The following DTNA variants were observed in gnomAD, a reference collection of about 807,000 sequenced individuals.
DTNA encodes the protein dystrobrevin alpha, also known as dystrophin-related protein 3.
A neutral mutation model predicts 100.7 loss-of-function variants in DTNA; 43 were observed. The ratio of observed to expected loss-of-function variants is 0.43; its 90% CI spans 0.33 to 0.55. The LOEUF is 0.55. Ranked by LOEUF, DTNA falls within the 20% of genes least tolerant of loss-of-function variation. DTNA has a pLI of 0.04. For missense variants in DTNA, 798 were observed against 953.9 expected (o/e 0.84, Z 2.15); for synonymous variants, 349 against 347.9 (o/e 1.00, Z -0.04).
chr18:34,505,937 C>T (rs1363963907), intron 1 of DTNA, among the ~76,000 whole-genome samples: 1 of 152,122 alleles, frequency 6.6e-6, no homozygotes, highest in Non-Finnish European at 1.5e-5. Context: ...TGTTAAGAGA[C>T]TCTGAATCTT....
At chr18:34,615,663 A>G (rs1158737765) in intron 1 of DTNA, among the ~76,000 whole-genome samples, 1 of 152,156 alleles carries the variant, frequency 6.6e-6, no homozygotes, top group Non-Finnish European at 1.5e-5. Context: ...TTCATCTGTA[A>G]TAAGCATAGT....
chr18:34,853,370 G>T (rs1287843338), intron 15 of DTNA, among the ~76,000 whole-genome samples: 3 of 152,142 alleles, frequency 2.0e-5, no homozygotes, highest in Non-Finnish European at 4.4e-5. Flanking sequence ...TTTCATGCCT[G>T]TAAAATTTGA....
At chr18:34,826,628 G>A (rs746327276) in intron 9 of DTNA, among the ~76,000 whole-genome samples, 9 of 152,062 alleles carry the variant, frequency 5.9e-5, no homozygotes, top group African/African-American at 1.9e-4. Flanking sequence ...TCTTCAAAAC[G>A]TTCTATACTG....
intron 1 of DTNA, among the ~76,000 whole-genome samples, chr18:34,592,467 A>AAC (rs3078085): frequency 0.038 from 5,362 of 139,462 alleles, 140 homozygotes; most frequent in African/African-American, 0.078. Flanking sequence ...ACACTTGTAT[A>AAC]ACACACACAC....
At chr18:34,660,907 G>A (rs899617394) in intron 1 of DTNA, among the ~76,000 whole-genome samples, 3 of 152,100 alleles carry the variant, frequency 2.0e-5, no homozygotes, top group African/African-American at 7.2e-5. Context: ...TCCCTAAAAT[G>A]TATAAAACTA....
intron 1 of DTNA, among the ~76,000 whole-genome samples, chr18:34,501,574 G>T (rs2144615521): frequency 6.6e-6 from 1 of 152,266 alleles, no homozygotes; most frequent in Non-Finnish European, 1.5e-5. Context: ...ATTCTCCAGT[G>T]AAATCACCTG....
chr18:34,538,515 G>A (rs958095746), intron 1 of DTNA, among the ~76,000 whole-genome samples: 1 of 152,004 alleles, frequency 6.6e-6, no homozygotes, highest in African/African-American at 2.4e-5. Flanking sequence ...CAGTGAGCTT[G>A]CTTGAGTTCA....
chr18:34,591,804 A>T (rs894198035), intron 1 of DTNA, among the ~76,000 whole-genome samples: 10 of 152,220 alleles, frequency 6.6e-5, no homozygotes, highest in Non-Finnish European at 1.3e-4. Context: ...AAAGACATCT[A>T]GTAACAAAGT....
intron 3 of DTNA, among the ~76,000 whole-genome samples, chr18:34,779,030 G>A (rs1601872827): frequency 6.6e-6 from 1 of 151,836 alleles, no homozygotes; most frequent in Admixed American, 6.6e-5. Flanking sequence ...CACCATGTTA[G>A]CGGGAAAGTA....
At chr18:34,515,854 A>C (rs2041550605) in intron 1 of DTNA, among the ~76,000 whole-genome samples, 1 of 152,118 alleles carries the variant, frequency 6.6e-6, no homozygotes, top group South Asian at 2.1e-4. Context: ...CTTTTGTCTT[A>C]GGATCATGAC....
intron 1 of DTNA, among the ~76,000 whole-genome samples, chr18:34,575,786 T>A (rs1443712193): frequency 6.6e-6 from 1 of 152,216 alleles, no homozygotes; most frequent in Non-Finnish European, 1.5e-5. Flanking sequence ...TCAACCATCA[T>A]GCCATCTTCT....
chr18:34,725,221 A>G (rs527675023), intron 1 of DTNA, among the ~76,000 whole-genome samples: 6 of 152,270 alleles, frequency 3.9e-5, no homozygotes, highest in African/African-American at 1.4e-4. Flanking sequence ...AAAAGCAATG[A>G]CAACAAAAGG....
At chr18:34,540,976 C>A (rs528689300) in intron 1 of DTNA, among the ~76,000 whole-genome samples, 2 of 152,086 alleles carry the variant, frequency 1.3e-5, no homozygotes, top group South Asian at 4.2e-4. Flanking sequence ...ACCTAAGGAC[C>A]TGTTAAGCCA....
intron 1 of DTNA, among the ~76,000 whole-genome samples, chr18:34,512,299 G>A (rs907727054): frequency 1.3e-5 from 2 of 151,910 alleles, no homozygotes; most frequent in African/African-American, 4.8e-5. Context: ...GTACCTTACT[G>A]TGTGAGAAAT....
At chr18:34,816,266 C>T (rs1031024746) in intron 7 of DTNA, among the ~76,000 whole-genome samples, 6 of 152,200 alleles carry the variant, frequency 3.9e-5, no homozygotes, top group Non-Finnish European at 7.3e-5. Flanking sequence ...GGTTAAAAGA[C>T]TTGGCACGAT....
In DTNA at chr18:34,860,220, GTTT is replaced by G. The variant is rs55673388; in HGVS notation, c.1646+1849_1646+1851del. 4.5e-3 allele frequency among the ~76,000 whole-genome samples: 362 copies of G among 80,188 alleles called. 5 individuals carry two copies. Among genetic ancestry groups the G allele is most frequent in the Middle Eastern group, 8.1e-3 (1 of 124 alleles). 52.6% of individuals were successfully genotyped at this position (80,188 alleles called of 152,430 possible). On this transcript the variant is annotated intron_variant, in intron 16 of 22. Coordinates refer to ENST00000444659, the MANE Select transcript of DTNA (RefSeq NM_001386795.1). The stretch of plus-strand genomic sequence containing the variant: ...TGCCACCACGCCCGGCTAATTTTTT[GTTT>G]TTTTTTTTTTTTTTTTTTTTTTTTT...
At chr18:34,561,925 T>C (rs887845008) in intron 1 of DTNA, among the ~76,000 whole-genome samples, 18 of 152,304 alleles carry the variant, frequency 1.2e-4, no homozygotes, top group South Asian at 8.3e-4. Flanking sequence ...GAGAATGTTG[T>C]ACCATGGCAA....
intron 1 of DTNA, among the ~76,000 whole-genome samples, chr18:34,612,630 T>G (rs1358220683): frequency 6.6e-6 from 1 of 152,218 alleles, no homozygotes; most frequent in Non-Finnish European, 1.5e-5. Context: ...ATGCTGTGAT[T>G]AGCTATATTG....
intron 1 of DTNA, among the ~76,000 whole-genome samples, chr18:34,747,281 G>A (rs767739941): frequency 5.9e-5 from 9 of 152,032 alleles, no homozygotes; most frequent in Non-Finnish European, 1.3e-4. Context: ...AACTCAACTA[G>A]CATCATATTT....
Sources: gnomAD v4.1 joint callset for allele counts (sites outside exome capture counted in the v4.1 genomes callset) on GRCh38, gnomAD v4.1.1 for gene constraint, MANE v1.5 for transcripts, NCBI Gene and HGNC (gene_info 2026-07-23, HGNC 2026-07-21) for gene names.